The following OSBPL10 variants were observed in gnomAD, a reference collection of about 807,000 sequenced individuals.
OSBPL10 encodes the protein oxysterol binding protein like 10.
OSBPL10 carries 49 observed loss-of-function variants against 81.7 expected under a neutral mutation model. That is an observed-to-expected ratio of 0.60 (90% confidence interval 0.48 to 0.76). The LOEUF (loss-of-function observed/expected upper bound fraction) is 0.76, where lower values mean the gene tolerates loss of function less well. OSBPL10 is among the 30% of genes least tolerant of loss of function. The probability of loss-of-function intolerance (pLI) is 0.00; values close to 1 mark genes in which losing one functional copy is unlikely to be tolerated. For synonymous variants in OSBPL10, 419 were observed against 383.6 expected (o/e 1.09, Z -1.08); for missense variants, 923 against 987.8 (o/e 0.93, Z 0.88).
intron 1 of OSBPL10, among the ~76,000 whole-genome samples, chr3:31,962,987 A>G (rs912741982): frequency 6.6e-6 from 1 of 152,114 alleles, no homozygotes; most frequent in African/African-American, 2.4e-5. Flanking sequence ...ATATTACAGG[A>G]AGTGGTGTGA....
intron 4 of OSBPL10, among the ~76,000 whole-genome samples, chr3:31,762,050 G>A (rs370787249): frequency 3.9e-5 from 6 of 152,126 alleles, no homozygotes; most frequent in East Asian, 1.9e-4. Flanking sequence ...CCAGGGACAC[G>A]GAGAACAAGG....
chr3:31,954,101 T>A (rs1316950572), intron 1 of OSBPL10, among the ~76,000 whole-genome samples: 1 of 152,242 alleles, frequency 6.6e-6, no homozygotes, highest in African/African-American at 2.4e-5. Context: ...TCTGGGTTCA[T>A]CCTTTAACCC....
At chr3:31,809,444 G>T (rs552286026) in intron 4 of OSBPL10, among the ~76,000 whole-genome samples, 1 of 152,288 alleles carries the variant, frequency 6.6e-6, no homozygotes, top group South Asian at 2.1e-4. Context: ...ACTTCAGCTG[G>T]ATAACTATGC....
chr3:31,684,104 G>A lies in OSBPL10; in HGVS notation c.1256C>T (p.Pro419Leu), dbSNP rs1458652908. ...AGATCGCTTCTCCAGGATAAAGGTG[G>A]GAAGCACCACCTGCATTTGGAAGGA... Reference protein sequence around the residue: ...LGMDLTKVVLPTFILEKRSLL... With the variant: ...LGMDLTKVVLLTFILEKRSLL... The change falls in exon 8 of 12, where the codon CCC becomes CTC. Residue 419 changes from proline (P) to leucine (L), a missense_variant. This residue lies in a region of OSBPL10 where 22 missense variants were observed against 43.4 expected (regional missense o/e 0.51). Coordinates refer to ENST00000396556, the MANE Select transcript of OSBPL10 (RefSeq NM_017784.5). 1 of 1,612,516 alleles carries A rather than the reference G, an allele frequency of 6.2e-7. No individual in the cohort carries two copies. Among genetic ancestry groups the A allele is most frequent in the Non-Finnish European group, 8.5e-7 (1 of 1,178,722 alleles).
intron 1 of OSBPL10, among the ~76,000 whole-genome samples, chr3:31,946,552 C>T (rs955441394): frequency 1.3e-5 from 2 of 152,100 alleles, no homozygotes; most frequent in African/African-American, 4.8e-5. Flanking sequence ...AGGCAGATGG[C>T]GGACAGCGTG....
At chr3:31,905,496 T>A (rs1266007533) in intron 1 of OSBPL10, among the ~76,000 whole-genome samples, 1 of 151,846 alleles carries the variant, frequency 6.6e-6, no homozygotes, top group Non-Finnish European at 1.5e-5. Flanking sequence ...ATTACAGACA[T>A]GCGCTACCAC....
intron 11 of OSBPL10, chr3:31,662,318 C>T: frequency 2.3e-6 from 3 of 1,302,420 alleles, no homozygotes; most frequent in Non-Finnish European, 2.9e-6. Context: ...CCTGGCATGG[C>T]AGGAGGAAAC....
At chr3:31,934,560 C>A (rs1398951640) in intron 1 of OSBPL10, among the ~76,000 whole-genome samples, 1 of 152,046 alleles carries the variant, frequency 6.6e-6, no homozygotes, top group Non-Finnish European at 1.5e-5. Flanking sequence ...GTGCCTGCCA[C>A]CACACCCAGC....
intron 1 of OSBPL10, among the ~76,000 whole-genome samples, chr3:31,971,300 C>A (rs774330077): frequency 3.3e-5 from 5 of 152,024 alleles, no homozygotes; most frequent in Non-Finnish European, 5.9e-5. Flanking sequence ...GCCACCATGC[C>A]CGCTAATTGT....
chr3:31,678,781 A>T (rs930288339), intron 8 of OSBPL10, among the ~76,000 whole-genome samples: 1 of 99,212 alleles, frequency 1.0e-5, no homozygotes, highest in Admixed American at 1.2e-4. Flanking sequence ...ACAGATTCAA[A>T]CTGTGTGTGT....
chr3:32,058,843 A>C lies in OSBPL10; in HGVS notation n.186-12240T>G, dbSNP rs114880608. On this transcript the variant is annotated intron_variant and non_coding_transcript_variant, in intron 1 of 3. Coordinates refer to the OSBPL10 transcript ENST00000479173. ...ATAGGGACTACATGTATGCACCACA[A>C]TGCCAAACTAATTATTTATTTTTTT... Among the ~76,000 whole-genome samples the C allele has an allele frequency of 7.8e-3, 1,185 of 152,262 alleles. 15 individuals are homozygous for C. The highest frequency in any genetic ancestry group is 0.027 in the African/African-American group (1,103 of 41,548).
At chr3:31,664,253 G>A (rs909485623) in intron 10 of OSBPL10, 21 bp from the exon 11 acceptor site, 10 of 1,610,270 alleles carry the variant, frequency 6.2e-6, no homozygotes, top group Non-Finnish European at 8.5e-6. Context: ...GTGGAGGAGA[G>A]GAAACAATCA....
In OSBPL10 at chr3:31,989,666, C is replaced by T. The variant is rs750707145; in HGVS notation, n.298+56825G>A. The T allele has an allele frequency of 1.9e-6, 3 of 1,614,082 alleles. No individual in the cohort carries two copies. The East Asian group carries it at 6.7e-5, about 36-fold the overall frequency. Reference sequence around the variant, plus strand: ...TCAGTTCTAACGTCCCAAAGAATTTCTTCTAGGCCCAAAATCCATATTTCT... The same window carrying T: ...TCAGTTCTAACGTCCCAAAGAATTTTTTCTAGGCCCAAAATCCATATTTCT... On this transcript the variant is annotated intron_variant and non_coding_transcript_variant, in intron 2 of 3. Coordinates refer to the OSBPL10 transcript ENST00000479173.
At chr3:31,773,524 C>T (rs748690198) in intron 4 of OSBPL10, among the ~76,000 whole-genome samples, 4 of 152,184 alleles carry the variant, frequency 2.6e-5, no homozygotes, top group Non-Finnish European at 5.9e-5. Context: ...TTGTGCCTAT[C>T]GTTGTCCCTG....
chr3:31,857,775 CA>C (rs1335111289), intron 3 of OSBPL10, among the ~76,000 whole-genome samples: 10 of 110 alleles, frequency 0.091, no homozygotes, highest in Non-Finnish European at 0.17. Context: ...CAAAGATTGG[CA>C]GGGGGGTGGG....
chr3:31,983,988 C>G (rs899928553), upstream of OSBPL10, among the ~76,000 whole-genome samples: 1 of 152,084 alleles, frequency 6.6e-6, no homozygotes, highest in Non-Finnish European at 1.5e-5. Flanking sequence ...TATTATTACT[C>G]AAATCAATCT....
chr3:31,908,864 C>A (rs1036004568), intron 1 of OSBPL10, among the ~76,000 whole-genome samples: 1 of 152,288 alleles, frequency 6.6e-6, no homozygotes, highest in South Asian at 2.1e-4. Context: ...TGGGGAACTG[C>A]AAGTAGCATT....
chr3:31,951,961 C>T (rs1203640073), intron 1 of OSBPL10, among the ~76,000 whole-genome samples: 2 of 152,260 alleles, frequency 1.3e-5, no homozygotes, highest in East Asian at 3.9e-4. Context: ...CCTAAAACTC[C>T]ATTAGTGTGC....
At chr3:31,964,319 G>C (rs1473376730) in intron 1 of OSBPL10, among the ~76,000 whole-genome samples, 1 of 152,100 alleles carries the variant, frequency 6.6e-6, no homozygotes, top group African/African-American at 2.4e-5. Context: ...ACCACACCTG[G>C]CTAATTTTTG....
Sources: gnomAD v4.1 joint callset for allele counts (sites outside exome capture counted in the v4.1 genomes callset) on GRCh38, gnomAD v4.1.1 for gene constraint, gnomAD v4.1.1 regional missense constraint, MANE v1.5 for transcripts, NCBI Gene and HGNC (gene_info 2026-07-23, HGNC 2026-07-21) for gene names.